CDH4: variants seen among roughly 807,000 people sequenced by gnomAD.
CDH4 encodes cadherin-4.
A neutral mutation model predicts 86.0 loss-of-function variants in CDH4; 33 were observed. The observed-to-expected ratio is 0.38, with a 90% CI of 0.29 to 0.51. The LOEUF is 0.51. Among genes scored for constraint, CDH4 ranks in the 20% least tolerant of loss-of-function variants. The pLI, the probability that CDH4 is intolerant of heterozygous loss-of-function variation, is 0.86. For missense variants in CDH4, 1,114 were observed against 1,307.4 expected, an observed-to-expected ratio of 0.85 and a Z score of 2.28; for synonymous variants, 555 against 549.4, an observed-to-expected ratio of 1.01 and a Z score of -0.14.
chr20:61,908,970 G>A (rs769760891), intron 8 of CDH4, among the ~76,000 whole-genome samples: 1 of 152,238 alleles, frequency 6.6e-6, no homozygotes, highest in Admixed American at 6.5e-5. Flanking sequence ...GTGTGAAGGT[G>A]GCCTGGGTAA....
intron 2 of CDH4, among the ~76,000 whole-genome samples, chr20:61,383,160 T>TGAATATATTTATGA: frequency 9.7e-6 from 1 of 103,626 alleles, no homozygotes; most frequent in Admixed American, 1.1e-4. Flanking sequence ...ATGAATATAT[T>TGAATATATTTATGA]ATATATATGA....
chr20:61,898,955 A>T (rs1002033693), intron 8 of CDH4, among the ~76,000 whole-genome samples: 3 of 152,170 alleles, frequency 2.0e-5, no homozygotes, highest in Admixed American at 2.0e-4. Flanking sequence ...TGAGGGGCTT[A>T]CAACAATGTC....
chr20:61,883,215 G>T (rs1600734924), intron 7 of CDH4, among the ~76,000 whole-genome samples: 2 of 151,956 alleles, frequency 1.3e-5, no homozygotes, highest in South Asian at 2.1e-4. Flanking sequence ...AAACAGCCCT[G>T]CCTGCCGCCC....
At chr20:61,476,867 G>A (rs1025820084) in intron 2 of CDH4, among the ~76,000 whole-genome samples, 3 of 152,246 alleles carry the variant, frequency 2.0e-5, no homozygotes, top group African/African-American at 7.2e-5. Context: ...GAGGTGGGAT[G>A]TGTCCAAGTC....
chr20:61,891,918 G>A (rs1323413451), intron 7 of CDH4, among the ~76,000 whole-genome samples: 2 of 152,030 alleles, frequency 1.3e-5, no homozygotes, highest in East Asian at 3.9e-4. Context: ...GGCCTGTCCA[G>A]GTGGCAGTGG....
At chr20:61,499,253 G>C (rs1431063004) in intron 2 of CDH4, among the ~76,000 whole-genome samples, 1 of 152,344 alleles carries the variant, frequency 6.6e-6, no homozygotes, top group African/African-American at 2.4e-5. Context: ...GCGTCAGGCA[G>C]TCAGGAGCAT....
chr20:61,662,601 T>C (rs1429689930), intron 2 of CDH4, among the ~76,000 whole-genome samples: 1 of 152,126 alleles, frequency 6.6e-6, no homozygotes, highest in African/African-American at 2.4e-5. Flanking sequence ...CCTGGAGGAC[T>C]GGGGCGTGAG....
chr20:61,453,575 C>T (rs566866563), intron 2 of CDH4, among the ~76,000 whole-genome samples: 1 of 152,192 alleles, frequency 6.6e-6, no homozygotes, highest in East Asian at 1.9e-4. Flanking sequence ...TGCGCTCAAC[C>T]CATAACAACC....
chr20:61,722,769 A>C (rs2145914809), intron 2 of CDH4, among the ~76,000 whole-genome samples: 1 of 152,266 alleles, frequency 6.6e-6, no homozygotes, highest in East Asian at 1.9e-4. Context: ...CTGAATTTCC[A>C]ACAATGCCTT....
intron 2 of CDH4, among the ~76,000 whole-genome samples, chr20:61,350,945 T>C (rs1053944095): frequency 2.0e-5 from 3 of 152,156 alleles, no homozygotes; most frequent in South Asian, 2.1e-4. Flanking sequence ...AGACCATCGC[T>C]CTAGGCTGAG....
intron 2 of CDH4, among the ~76,000 whole-genome samples, chr20:61,478,669 G>A (rs898372689): frequency 6.6e-6 from 1 of 152,354 alleles, no homozygotes; most frequent in South Asian, 2.1e-4. Flanking sequence ...CCAAGGAGTC[G>A]AAGCCCGGCG....
intron 7 of CDH4, among the ~76,000 whole-genome samples, chr20:61,892,147 C>T (rs899813596): frequency 6.6e-6 from 1 of 152,190 alleles, no homozygotes; most frequent in African/African-American, 2.4e-5. Flanking sequence ...AGATTCAGCC[C>T]ACAGGCCATC....
chr20:61,653,353 G>A (rs1252940950), intron 2 of CDH4, among the ~76,000 whole-genome samples: 1 of 137,302 alleles, frequency 7.3e-6, no homozygotes, highest in Non-Finnish European at 1.6e-5. Context: ...CACAGACACG[G>A]CAACCATCCG....
intron 2 of CDH4, among the ~76,000 whole-genome samples, chr20:61,683,435 G>A (rs1440868388): frequency 6.6e-6 from 1 of 152,186 alleles, no homozygotes; most frequent in African/African-American, 2.4e-5. Context: ...GAGCTGTCAC[G>A]GTGTATCTGG....
At position 61,895,055 on chromosome 20, in the gene CDH4, C is replaced by A. The variant is rs757392743; in HGVS notation, c.1188+8C>A. ...GAATTTACCGCCAGCACGGTGAGTC[C>A]CTCGAAGCTGCCCAGTGACGCATGG... On this transcript the variant is annotated splice_region_variant and intron_variant, in intron 8 of 15. Transcript: ENST00000614565. The A allele has an allele frequency of 6.2e-7, 1 of 1,612,948 alleles. No homozygotes were observed. The highest frequency in any genetic ancestry group is 1.3e-5 in the African/African-American group (1 of 75,068).
Position 61,743,694 on chromosome 20 carries a change from A to G in CDH4, c.301A>G (p.Thr101Ala). 1 of 1,609,658 alleles carries G rather than the reference A, an allele frequency of 6.2e-7. No individual in the cohort carries two copies. ...LQVPSEQVAF[T>A]VTAWDSQTAE... ...GGTCCCCTCCGAGCAGGTGGCGTTCACGGTGACTGCATGGGACAGCCAGAC... is the reference window on the plus strand; with the variant it reads ...GGTCCCCTCCGAGCAGGTGGCGTTCGCGGTGACTGCATGGGACAGCCAGAC... Residue 101 changes from threonine to alanine, a missense_variant, in exon 3 of 16, where the codon ACG (threonine) becomes GCG (alanine). By Grantham distance (58) the Thr-to-Ala change is moderately conservative. Transcript: ENST00000614565.
At position 61,747,379 on chromosome 20, in the gene CDH4, C is replaced by T. The variant is rs112375610; in HGVS notation, c.396+3590C>T. On this transcript the variant is annotated intron_variant, in intron 3 of 15. Coordinates refer to ENST00000614565, the MANE Select transcript of CDH4 (RefSeq NM_001794.5). The stretch of plus-strand genomic sequence containing the variant: ...AGGAGAATGGCATGAACCTGGGAGG[C>T]GGAGCTCGCAGTGAGCCGAGTGAGC... Among the ~76,000 whole-genome samples the T allele has an allele frequency of 9.0e-3, 1,290 of 143,814 alleles. 23 individuals carry two copies. The highest frequency in any genetic ancestry group is 0.031 in the African/African-American group (1,212 of 38,618). The allele number at this position is 143,814 out of a possible 152,430, so 94.3% of individuals were successfully genotyped here. A position where few individuals can be genotyped will look rare whatever the true frequency, so the allele number is the denominator to read the frequency against.
At chr20:61,258,039 G>A (rs554008156) in intron 2 of CDH4, among the ~76,000 whole-genome samples, 6 of 152,194 alleles carry the variant, frequency 3.9e-5, no homozygotes, top group African/African-American at 1.4e-4. Flanking sequence ...AGTATAGAAA[G>A]AGGAGCTTGG....
At chr20:61,683,191 G>A (rs547642331) in intron 2 of CDH4, among the ~76,000 whole-genome samples, 4 of 152,108 alleles carry the variant, frequency 2.6e-5, no homozygotes, top group South Asian at 2.1e-4. Context: ...AGAAGTGCAC[G>A]CAGCTGTACT....
Sources: allele counts gnomAD v4.1 joint callset (sites outside exome capture counted in the v4.1 genomes callset), GRCh38; gene constraint gnomAD v4.1.1; transcripts MANE v1.5; gene names NCBI Gene and HGNC (gene_info 2026-07-23, HGNC 2026-07-21).